The following HS3ST4 variants were observed in gnomAD, a reference collection of about 807,000 sequenced individuals.
HS3ST4 encodes the protein heparan sulfate glucosamine 3-O-sulfotransferase 4.
In HS3ST4, 17 loss-of-function variants were observed where a neutral mutation model predicts 29.2. The observed-to-expected ratio is 0.58, with a 90% CI of 0.40 to 0.87. The LOEUF (loss-of-function observed/expected upper bound fraction) is 0.87, where lower values mean the gene tolerates loss of function less well. Ranked by LOEUF, HS3ST4 falls within the 40% of genes least tolerant of loss-of-function variation. The pLI, the probability that HS3ST4 is intolerant of heterozygous loss-of-function variation, is 0.00. For missense variants in HS3ST4, 627 were observed against 634.5 expected, an observed-to-expected ratio of 0.99 and a Z score of 0.13; for synonymous variants, 314 against 285.7, an observed-to-expected ratio of 1.10 and a Z score of -1.00.
chr16:26,098,816 T>C (rs949596853), intron 1 of HS3ST4, among the ~76,000 whole-genome samples: 2 of 151,916 alleles, frequency 1.3e-5, no homozygotes, highest in African/African-American at 4.8e-5. Context: ...GGGGTAGATG[T>C]ATGGTATGAT....
intron 1 of HS3ST4, among the ~76,000 whole-genome samples, chr16:25,780,890 G>C (rs1966851995): frequency 6.6e-6 from 1 of 152,106 alleles, no homozygotes; most frequent in Non-Finnish European, 1.5e-5. Context: ...CAGTGGAGTT[G>C]GTCTGTTTTT....
At chr16:25,984,390 G>A (rs1212535081) in intron 1 of HS3ST4, among the ~76,000 whole-genome samples, 3 of 152,180 alleles carry the variant, frequency 2.0e-5, no homozygotes, top group Non-Finnish European at 4.4e-5. Flanking sequence ...ATGCTCCTAT[G>A]AGAATCTAAT....
chr16:25,873,810 A>G (rs978223868), intron 1 of HS3ST4, among the ~76,000 whole-genome samples: 1 of 151,994 alleles, frequency 6.6e-6, no homozygotes, highest in African/African-American at 2.4e-5. Flanking sequence ...CTACCCACCT[A>G]TTCTTCCATC....
intron 1 of HS3ST4, among the ~76,000 whole-genome samples, chr16:26,002,383 C>T (rs1006377317): frequency 6.6e-6 from 1 of 152,040 alleles, no homozygotes; most frequent in Non-Finnish European, 1.5e-5. Context: ...AATAGATATT[C>T]ACAGTGGAAA....
chr16:25,892,960 G>C (rs1276339920), intron 1 of HS3ST4, among the ~76,000 whole-genome samples: 1 of 152,164 alleles, frequency 6.6e-6, no homozygotes, highest in East Asian at 1.9e-4. Context: ...AATTTTAGTT[G>C]ATAGTATAAT....
At chr16:25,756,798 T>C (rs770764737) in intron 1 of HS3ST4, among the ~76,000 whole-genome samples, 51 of 152,124 alleles carry the variant, frequency 3.4e-4, no homozygotes, top group Non-Finnish European at 6.5e-4. Context: ...ATAAAAGACC[T>C]AACAGTATAG....
At chr16:25,992,438 G>A (rs1048958507) in intron 1 of HS3ST4, among the ~76,000 whole-genome samples, 4 of 152,354 alleles carry the variant, frequency 2.6e-5, no homozygotes, top group East Asian at 1.9e-4. Context: ...TACAGAGGTA[G>A]AGGAAAGCCA....
intron 1 of HS3ST4, among the ~76,000 whole-genome samples, chr16:25,928,578 A>G (rs969417346): frequency 1.3e-5 from 2 of 152,172 alleles, no homozygotes; most frequent in African/African-American, 4.8e-5. Flanking sequence ...TGCTTCCAAG[A>G]TAGAGTACTG....
intron 1 of HS3ST4, among the ~76,000 whole-genome samples, chr16:25,766,996 G>C (rs1349643337): frequency 2.0e-5 from 3 of 151,734 alleles, no homozygotes; most frequent in Non-Finnish European, 4.4e-5. Flanking sequence ...TGGGAGGAAG[G>C]AAGAAATGCA....
intron 1 of HS3ST4, among the ~76,000 whole-genome samples, chr16:25,785,224 G>A (rs4077105): frequency 0.35 from 52,576 of 152,114 alleles, 9,556 homozygotes; most frequent in Admixed American, 0.46. Flanking sequence ...AAATGTACAA[G>A]GAGATTAATG....
In HS3ST4 at chr16:25,692,413, C is replaced by A; in HGVS notation, c.-5C>A. 1.0e-6 allele frequency: 1 copy of A among 985,298 alleles called. No homozygotes were observed. The highest frequency in any genetic ancestry group is 1.3e-6 in the Non-Finnish European group (1 of 799,808). The allele number at this position is 985,298 out of a possible 1,614,324, so 61.0% of individuals were successfully genotyped here. ...CGCCGCCGCCGCCGCGAGCCGGGAG[C>A]CGCGATGGCCCGGTGGCCCGCACCT... On this transcript the variant is annotated 5_prime_UTR_variant, in exon 1 of 2. Transcript: ENST00000331351.
intron 1 of HS3ST4, among the ~76,000 whole-genome samples, chr16:25,727,849 T>G (rs184084037): frequency 4.9e-4 from 74 of 152,262 alleles, no homozygotes; most frequent in African/African-American, 1.7e-3. Flanking sequence ...AAAATACACA[T>G]GTGCACACAT....
intron 1 of HS3ST4, among the ~76,000 whole-genome samples, chr16:25,725,871 A>G (rs1966531710): frequency 6.6e-6 from 1 of 152,078 alleles, no homozygotes; most frequent in Non-Finnish European, 1.5e-5. Context: ...CCACTTACAC[A>G]TAGAATATTG....
At chr16:26,082,144 C>T (rs776846370) in intron 1 of HS3ST4, among the ~76,000 whole-genome samples, 13 of 152,144 alleles carry the variant, frequency 8.5e-5, no homozygotes, top group Non-Finnish European at 1.6e-4. Context: ...AACTGAATTT[C>T]GTAGGAGTTT....
chr16:25,874,569 A>G (rs946704292), intron 1 of HS3ST4, among the ~76,000 whole-genome samples: 1 of 152,146 alleles, frequency 6.6e-6, no homozygotes. Flanking sequence ...TTTTCCATCC[A>G]CCAACTTATC....
At chr16:25,732,304 G>C (rs1966575320) in intron 1 of HS3ST4, among the ~76,000 whole-genome samples, 1 of 152,142 alleles carries the variant, frequency 6.6e-6, no homozygotes, top group Non-Finnish European at 1.5e-5. Context: ...CGGCAGTTTA[G>C]ACCAGCTACC....
At chr16:25,712,250 G>A (rs200360327) in intron 1 of HS3ST4, among the ~76,000 whole-genome samples, 2 of 152,142 alleles carry the variant, frequency 1.3e-5, no homozygotes, top group Non-Finnish European at 2.9e-5. Context: ...GGCCAGGCGC[G>A]GTGGCTCACC....
At chr16:26,096,069 A>G (rs1223818822) in intron 1 of HS3ST4, among the ~76,000 whole-genome samples, 1 of 151,722 alleles carries the variant, frequency 6.6e-6, no homozygotes, top group Non-Finnish European at 1.5e-5. Flanking sequence ...TAAACCAGGA[A>G]GAAGTTGAAT....
intron 1 of HS3ST4, among the ~76,000 whole-genome samples, chr16:26,114,586 T>C (rs886588912): frequency 2.6e-5 from 4 of 152,080 alleles, no homozygotes; most frequent in African/African-American, 9.7e-5. Flanking sequence ...GGGTCAATAG[T>C]GGAAGCAGAG....
Sources: allele counts gnomAD v4.1 joint callset (sites outside exome capture counted in the v4.1 genomes callset), GRCh38; gene constraint gnomAD v4.1.1; transcripts MANE v1.5; gene names NCBI Gene and HGNC (gene_info 2026-07-23, HGNC 2026-07-21).